VPS33A: variants seen among roughly 807,000 people sequenced by gnomAD.
The protein encoded by VPS33A is VPS33A core subunit of CORVET and HOPS complexes, also known as vacuolar protein sorting-associated protein 33A.
VPS33A carries 32 observed loss-of-function variants against 71.8 expected under a neutral mutation model. The ratio of observed to expected loss-of-function variants is 0.45; its 90% CI spans 0.34 to 0.60. The LOEUF is 0.60. Among genes scored for constraint, VPS33A ranks in the 20% least tolerant of loss-of-function variants. VPS33A has a pLI of 0.02. For synonymous variants in VPS33A, 311 were observed against 292.7 expected (o/e 1.06, Z -0.64); for missense variants, 625 against 748.5 (o/e 0.84, Z 1.92).
At chr12:122,250,862 G>A (rs1433603486) in intron 5 of VPS33A, 121 bp downstream of exon 5, 42 of 727,952 alleles carry the variant, frequency 5.8e-5, no homozygotes, top group Non-Finnish European at 9.7e-5. Flanking sequence ...GCAAATTCAT[G>A]AGTACAGTAT....
intron 11 of VPS33A, among the ~76,000 whole-genome samples, chr12:122,234,149 T>A (rs1031416694): frequency 2.0e-5 from 3 of 152,136 alleles, no homozygotes; most frequent in African/African-American, 7.2e-5. Context: ...TATGTAAAAA[T>A]GTATATGCAC....
chr12:122,239,812 C>G, intron 9 of VPS33A, 66 bp downstream of exon 9: 55 of 525,922 alleles, frequency 1.0e-4, no homozygotes, highest in Non-Finnish European at 1.4e-4. Flanking sequence ...AATTGGTTTT[C>G]TGGCTATAAT....
intron 6 of VPS33A, among the ~76,000 whole-genome samples, chr12:122,246,305 T>G: frequency 6.6e-6 from 1 of 152,012 alleles, no homozygotes; most frequent in East Asian, 1.9e-4. Context: ...TTTATTTATT[T>G]ATTTATTTAT....
intron 11 of VPS33A, among the ~76,000 whole-genome samples, chr12:122,235,225 C>G (rs1056940894): frequency 6.6e-6 from 1 of 150,600 alleles, no homozygotes. Context: ...TCCCAATATA[C>G]TGGGATTACA....
intron 4 of VPS33A, among the ~76,000 whole-genome samples, chr12:122,257,822 G>A (rs1954940392): frequency 2.0e-5 from 3 of 152,118 alleles, no homozygotes; most frequent in South Asian, 4.1e-4. Context: ...CAAAGCTACT[G>A]TAATCAAGAC....
At chr12:122,250,361 G>A (rs1217686101) in intron 5 of VPS33A, among the ~76,000 whole-genome samples, 1 of 152,130 alleles carries the variant, frequency 6.6e-6, no homozygotes, top group Admixed American at 6.5e-5. Context: ...TAGGAGAAAC[G>A]CAGACTTAGG....
At chr12:122,265,580 G>T in intron 1 of VPS33A, 1 of 295,458 alleles carries the variant, frequency 3.4e-6, no homozygotes. Flanking sequence ...ATTGAAACTG[G>T]GCCCCTATGA....
Position 122,257,110 on chromosome 12 carries a change from G to C in VPS33A, c.483+4151C>G, listed in dbSNP as rs1954929118. 2.6e-5 allele frequency among the ~76,000 whole-genome samples: 4 copies of C among 152,070 alleles called. No individual in the cohort carries two copies. The South Asian group carries it at 8.3e-4, about 32-fold the overall frequency. On this transcript the variant is annotated intron_variant, in intron 4 of 12. Transcript: ENST00000267199. ...AAATAGTGATTGCTTCTGGGATAAG[G>C]GGCAGTCTGAGAACTGGGGTAAAAA...
At chr12:122,254,485 C>T (rs2136143206) in intron 4 of VPS33A, among the ~76,000 whole-genome samples, 1 of 150,694 alleles carries the variant, frequency 6.6e-6, no homozygotes, top group South Asian at 2.1e-4. Flanking sequence ...TCACTGCAAC[C>T]CCTGCCTCCT....
At position 122,263,673 on chromosome 12, in the gene VPS33A, T is replaced by C. The variant is rs752329730; in HGVS notation, c.195A>G (p.Thr65=). Reference sequence around the variant, plus strand: ...CTGCCGGCAAACGATTTCCTTTAAGTGTGAACATTTTTTCCACTTCATGTT... The same window carrying C: ...CTGCCGGCAAACGATTTCCTTTAAGCGTGAACATTTTTTCCACTTCATGTT... ...LKEHEVEKMF[T]LKGNRLPAAD... The change falls in exon 3 of 13, where the codon ACA becomes ACG. Residue 65 remains threonine, a synonymous_variant. Transcript: ENST00000267199. 7 of 1,611,890 alleles carry C rather than the reference T, an allele frequency of 4.3e-6. No individual in the cohort carries two copies. Among genetic ancestry groups the C allele is most frequent in the South Asian group, 2.2e-5 (2 of 90,854 alleles).
In VPS33A at chr12:122,231,941, C is replaced by A. The variant is rs1954567307; in HGVS notation, c.*305G>T. Reference sequence around the variant, plus strand: ...GTGTGGTGGTGCATGCCTGTAGTCCCAGCTACTCAGGAGGCTGAGGCAGGA... The same window carrying A: ...GTGTGGTGGTGCATGCCTGTAGTCCAAGCTACTCAGGAGGCTGAGGCAGGA... On this transcript the variant is annotated 3_prime_UTR_variant, in exon 13 of 13. Coordinates refer to ENST00000267199, the MANE Select transcript of VPS33A (RefSeq NM_022916.6). 2.5e-6 allele frequency: 1 copy of A among 398,844 alleles called. No individual in the cohort carries two copies. The highest frequency in any genetic ancestry group is 4.4e-5 in the Admixed American group (1 of 22,974). 24.7% of individuals were successfully genotyped at this position (398,844 alleles called of 1,614,324 possible).
intron 2 of VPS33A, 37 bp downstream of exon 2, chr12:122,264,094 AATT>A: frequency 6.9e-7 from 1 of 1,458,934 alleles, no homozygotes; most frequent in East Asian, 2.3e-5. Context: ...TAAAGTACAG[AATT>A]ATTAATCCCC....
chr12:122,265,732 G>A (rs1369600504), intron 1 of VPS33A: 2 of 454,048 alleles, frequency 4.4e-6, no homozygotes, highest in East Asian at 7.0e-5. Context: ...AACCCTAAGG[G>A]GATGAAGGAG....
rs1954538567 is a variant in VPS33A, at chr12:122,229,997, TG to T, written c.*2248del. ...GAATTGAGCCCCAGGAACCAAAAAA[TG>T]GAGGGGCAGGGTGGATTCCATTCTC... On this transcript the variant is annotated 3_prime_UTR_variant, in exon 13 of 13. Transcript: ENST00000267199. 6.6e-6 allele frequency: 1 copy of T among 152,106 alleles called. No homozygotes were observed. The highest frequency in any genetic ancestry group is 1.5e-5 in the Non-Finnish European group (1 of 68,020). 9.4% of individuals were successfully genotyped at this position (152,106 alleles called of 1,614,324 possible). A position where few individuals can be genotyped will look rare whatever the true frequency, so the allele number is the denominator to read the frequency against.
chr12:122,250,136 A>G (rs756229090), intron 5 of VPS33A, 91 bp from the exon 6 acceptor site: 133 of 1,327,436 alleles, frequency 1.0e-4, no homozygotes, highest in Middle Eastern at 7.5e-4. Flanking sequence ...TCAAAAAAGT[A>G]AAAAAGGAGA....
chr12:122,235,907 T>A lies in VPS33A; in HGVS notation c.1319A>T (p.His440Leu). The A allele has an allele frequency of 6.2e-7, 1 of 1,610,050 alleles. No individual in the cohort carries two copies. The highest frequency in any genetic ancestry group is 8.5e-7 in the Non-Finnish European group (1 of 1,178,440). The change falls in exon 11 of 13, where the codon CAC becomes CTC. Residue 440 changes from histidine (H) to leucine (L), a missense_variant. Transcript: ENST00000267199. ...REILQTYGYEHILTLHNLEKA... is the reference protein window; with the variant it reads ...REILQTYGYELILTLHNLEKA... The stretch of plus-strand genomic sequence containing the variant: ...CTCCAGGTTGTGTAAGGTCAATATG[T>A]GCTCATAGCCGTATGTCTGCAAGGG...
chr12:122,260,601 T>C (rs1188660775), intron 4 of VPS33A, among the ~76,000 whole-genome samples: 1 of 152,284 alleles, frequency 6.6e-6, no homozygotes, highest in East Asian at 1.9e-4. Context: ...CCTCAGCCAG[T>C]ATTGTGAGTT....
chr12:122,232,725 A>G, intron 12 of VPS33A, 75 bp downstream of exon 12: 1 of 1,514,722 alleles, frequency 6.6e-7, no homozygotes, highest in African/African-American at 1.4e-5. Context: ...TTACTATTTT[A>G]CAAAGCAACT....
rs1331616942 is a variant in VPS33A at position 122,232,819 on chromosome 12, G to C, written c.1590C>G (p.Pro530=). The C allele has an allele frequency of 1.2e-6, 2 of 1,613,646 alleles. No individual in the cohort carries two copies. Among genetic ancestry groups the C allele is most frequent in the Non-Finnish European group, 1.7e-6 (2 of 1,179,710 alleles). ...ACTTACGTTTCTTCTGCAGTCCTGT[G>C]GGCAGTGGCTGCCGCTCCTCAAAGT... The part of the protein sequence containing the change: ...GPHFEERQPL[P]TGLQKKRQPG... The change falls in exon 12 of 13, where the codon CCC becomes CCG. Residue 530 remains proline, a synonymous_variant. Coordinates refer to ENST00000267199, the MANE Select transcript of VPS33A (RefSeq NM_022916.6).
Sources: gnomAD v4.1 joint callset for allele counts (sites outside exome capture counted in the v4.1 genomes callset) on GRCh38, gnomAD v4.1.1 for gene constraint, MANE v1.5 for transcripts, NCBI Gene and HGNC (gene_info 2026-07-23, HGNC 2026-07-21) for gene names.